CACNB4: variants seen among roughly 807,000 people sequenced by gnomAD.
The protein encoded by CACNB4 is calcium voltage-gated channel auxiliary subunit beta 4, also known as voltage-dependent L-type calcium channel subunit beta-4.
A neutral mutation model predicts 71.2 loss-of-function variants in CACNB4; 32 were observed. The observed-to-expected ratio is 0.45, with a 90% confidence interval of 0.34 to 0.60. The LOEUF is 0.60. Ranked by LOEUF, CACNB4 falls within the 20% of genes least tolerant of loss-of-function variation. CACNB4 has a pLI of 0.01. For missense variants in CACNB4, 464 were observed against 647.9 expected (o/e 0.72, Z 3.08); for synonymous variants, 231 against 236.9 (o/e 0.97, Z 0.23).
chr2:151,841,189 C>T (rs573759342), intron 13 of CACNB4, among the ~76,000 whole-genome samples: 8 of 152,228 alleles, frequency 5.3e-5, no homozygotes, highest in African/African-American at 1.2e-4. Context: ...AACCTGGGTG[C>T]GGCAGGATTA....
chr2:152,086,636 C>T (rs1687675163), intron 2 of CACNB4, among the ~76,000 whole-genome samples: 1 of 152,184 alleles, frequency 6.6e-6, no homozygotes, highest in African/African-American at 2.4e-5. Flanking sequence ...CTAAAGGAAG[C>T]ATTTTGAATT....
chr2:152,055,815 T>C (rs777396045), intron 2 of CACNB4, among the ~76,000 whole-genome samples: 6 of 152,116 alleles, frequency 3.9e-5, no homozygotes, highest in Non-Finnish European at 7.4e-5. Context: ...TTTTCAAACT[T>C]TGACTACTAA....
intron 2 of CACNB4, among the ~76,000 whole-genome samples, chr2:152,092,756 G>C (rs13009614): frequency 6.6e-6 from 1 of 151,378 alleles, no homozygotes; most frequent in East Asian, 1.9e-4. Flanking sequence ...CTTAACCGTG[G>C]GGGATACATT....
At chr2:151,889,844 A>G (rs2099850307) in intron 2 of CACNB4, among the ~76,000 whole-genome samples, 1 of 152,172 alleles carries the variant, frequency 6.6e-6, no homozygotes, top group South Asian at 2.1e-4. Context: ...TAGGCCCTAC[A>G]GTGCCTGGCA....
chr2:151,927,549 A>G (rs897146219), intron 2 of CACNB4, among the ~76,000 whole-genome samples: 2 of 152,222 alleles, frequency 1.3e-5, no homozygotes, highest in Non-Finnish European at 2.9e-5. Context: ...TTGGGGAAAG[A>G]GCAGAAGGTA....
At chr2:151,957,767 G>A (rs530839515) in intron 2 of CACNB4, among the ~76,000 whole-genome samples, 6 of 152,254 alleles carry the variant, frequency 3.9e-5, no homozygotes, top group Admixed American at 1.3e-4. Context: ...TCTATTTAAC[G>A]TTAACTTCAC....
chr2:151,902,604 A>AT (rs1297729158), intron 2 of CACNB4, among the ~76,000 whole-genome samples: 1 of 152,180 alleles, frequency 6.6e-6, no homozygotes, highest in Non-Finnish European at 1.5e-5. Context: ...ATGATTAATT[A>AT]TATTTTGGTT....
At chr2:152,095,649 CTGTT>C (rs766319963) in intron 2 of CACNB4, among the ~76,000 whole-genome samples, 32 of 152,010 alleles carry the variant, frequency 2.1e-4, no homozygotes, top group Non-Finnish European at 3.7e-4. Context: ...TAATGAGACT[CTGTT>C]TTTGTTTGTT....
intron 12 of CACNB4, among the ~76,000 whole-genome samples, chr2:151,848,515 G>T (rs2099838191): frequency 6.6e-6 from 1 of 152,166 alleles, no homozygotes; most frequent in Non-Finnish European, 1.5e-5. Context: ...TATGATCAAG[G>T]ATAACTGGGC....
Position 151,883,386 on chromosome 2 carries a change from G to C in CACNB4, c.148-16C>G, listed in dbSNP as rs757325488. On this transcript the variant is annotated splice_polypyrimidine_tract_variant and intron_variant, in intron 2 of 13. Transcript: ENST00000539935. The stretch of plus-strand genomic sequence containing the variant: ...CCGCTGAACCCTGGCAAAGAAAATA[G>C]AATAGTTTCAGATGATGTGTAGCTT... 1.2e-6 allele frequency: 2 copies of C among 1,613,414 alleles called. No individual in the cohort carries two copies. Among genetic ancestry groups the C allele is most frequent in the South Asian group, 1.1e-5 (1 of 91,080 alleles).
chr2:151,838,863 T>G lies in CACNB4; in HGVS notation c.*256A>C. 3.1e-6 allele frequency: 1 copy of G among 323,144 alleles called. No homozygotes were observed. Among genetic ancestry groups the G allele is most frequent in the Admixed American group, 4.5e-5 (1 of 22,294 alleles). The allele number at this position is 323,144 out of a possible 1,614,324, so 20.0% of individuals were successfully genotyped here. A position where few individuals can be genotyped will look rare whatever the true frequency, so the allele number is the denominator to read the frequency against. On this transcript the variant is annotated 3_prime_UTR_variant, in exon 14 of 14. Transcript: ENST00000539935. The stretch of plus-strand genomic sequence containing the variant: ...TAAATTACAAATTGATGTGTCTAAA[T>G]CTATGAAGAAAACAAAATGTACTGT...
At chr2:151,986,271 T>A (rs1371323493) in intron 2 of CACNB4, among the ~76,000 whole-genome samples, 6 of 152,206 alleles carry the variant, frequency 3.9e-5, no homozygotes. Context: ...AACACTGATA[T>A]GCCTTTTACT....
At position 151,898,675 on chromosome 2, in the gene CACNB4, A is replaced by T. The variant is rs566254776; in HGVS notation, c.148-15305T>A. ...CTATGAGATGCATGCCTTAAAAGGA[A>T]TAATTCCTATTTTAAAGCTAAGACA... On this transcript the variant is annotated intron_variant, in intron 2 of 13. Transcript: ENST00000539935. Among the ~76,000 whole-genome samples, 3 of 152,372 alleles carry T rather than the reference A, an allele frequency of 2.0e-5. No homozygotes were observed. The South Asian group carries it at 6.2e-4, about 32-fold the overall frequency.
chr2:151,978,863 T>G (rs1335681449), intron 2 of CACNB4, among the ~76,000 whole-genome samples: 3 of 152,130 alleles, frequency 2.0e-5, no homozygotes, highest in Non-Finnish European at 2.9e-5. Flanking sequence ...TGCCAGCTCC[T>G]GCCGGCAGCC....
chr2:151,974,357 A>G (rs186571017), intron 2 of CACNB4, among the ~76,000 whole-genome samples: 72 of 152,338 alleles, frequency 4.7e-4, no homozygotes, highest in African/African-American at 1.3e-3. Flanking sequence ...GTCATAAAAA[A>G]AATCTTTACA....
At chr2:152,038,554 G>A (rs1684714252) in intron 2 of CACNB4, among the ~76,000 whole-genome samples, 1 of 152,216 alleles carries the variant, frequency 6.6e-6, no homozygotes, top group African/African-American at 2.4e-5. Flanking sequence ...AGCAGCTGGA[G>A]GCACAGAAGA....
intron 2 of CACNB4, among the ~76,000 whole-genome samples, chr2:152,003,512 T>C (rs1682546722): frequency 6.6e-6 from 1 of 152,042 alleles, no homozygotes; most frequent in African/African-American, 2.4e-5. Context: ...AAAACAGCTC[T>C]TGATGCGCTT....
intron 2 of CACNB4, among the ~76,000 whole-genome samples, chr2:151,887,502 T>G (rs1206640170): frequency 6.6e-6 from 1 of 151,998 alleles, no homozygotes; most frequent in Non-Finnish European, 1.5e-5. Flanking sequence ...AAGTACAAAA[T>G]GCAAAATGCA....
intron 2 of CACNB4, among the ~76,000 whole-genome samples, chr2:151,886,489 T>C (rs1194743243): frequency 6.6e-6 from 1 of 152,216 alleles, no homozygotes. Flanking sequence ...CAGGGACTCC[T>C]ACAAATGAAC....
Sources: allele counts gnomAD v4.1 joint callset (sites outside exome capture counted in the v4.1 genomes callset), GRCh38; gene constraint gnomAD v4.1.1; transcripts MANE v1.5; gene names NCBI Gene and HGNC (gene_info 2026-07-23, HGNC 2026-07-21).